Variants in MUC5AC observed in about 807,000 individuals in gnomAD.
The protein encoded by MUC5AC is mucin-5AC.
A neutral mutation model predicts 169.7 loss-of-function variants in MUC5AC; 158 were observed. The observed-to-expected ratio is 0.93, with a 90% CI of 0.82 to 1.06. The LOEUF (loss-of-function observed/expected upper bound fraction) is 1.06, where lower values mean the gene tolerates loss of function less well. Among genes scored for constraint, MUC5AC ranks in the 50% least tolerant of loss-of-function variants. MUC5AC has a pLI of 0.00. For synonymous variants in MUC5AC, 1,975 were observed against 1,237.0 expected (o/e 1.60, Z -12.52); for missense variants, 4,359 against 3,089.9 (o/e 1.41, Z -9.74).
chr11:1,196,715 GC>G lies in MUC5AC; in HGVS notation c.15828del (p.Arg5277GlyfsTer10). ...TSAQVCVPTG[C>X]PRCLGPHGEP... ...GCCCAAGTCTGCGTGCCCACGGGCT[GC>G]CCCAGTACGTGCCCCAGGCCGGGGC... On this transcript the variant is annotated frameshift_variant, in exon 39 of 49. Transcript: ENST00000621226. LOFTEE classifies it high-confidence loss of function. 2.6e-6 allele frequency: 2 copies of G among 755,872 alleles called. No individual in the cohort carries two copies. The highest frequency in any genetic ancestry group is 4.8e-6 in the Non-Finnish European group (2 of 413,882). The allele number at this position is 755,872 out of a possible 1,614,324, so 46.8% of individuals were successfully genotyped here.
Position 1,191,097 on chromosome 11 carries a change from G to C in MUC5AC, c.12952G>C (p.Gly4318Arg). 1.4e-6 allele frequency: 1 copy of C among 695,540 alleles called. No individual in the cohort carries two copies. The highest frequency in any genetic ancestry group is 2.6e-6 in the Non-Finnish European group (1 of 383,072). The allele number at this position is 695,540 out of a possible 1,614,324, so 43.1% of individuals were successfully genotyped here. A position where few individuals can be genotyped will look rare whatever the true frequency, so the allele number is the denominator to read the frequency against. Residue 4318 changes from glycine to arginine, a missense_variant, in exon 31 of 49, where the codon GGA (glycine) becomes CGA (arginine). Coordinates refer to ENST00000621226, the MANE Select transcript of MUC5AC (RefSeq NM_001304359.2). The stretch of plus-strand genomic sequence containing the variant: ...TACAACTAGCACAACCTCTGGTCCT[G>C]GAACTACTCCCAGCCCTGTTCCCAC... ...APTTSTTSGPGTTPSPVPTTS... is the reference protein window; with the variant it reads ...APTTSTTSGPRTTPSPVPTTS...
At position 1,185,617 on chromosome 11, in the gene MUC5AC, C is replaced by G; in HGVS notation, c.7472C>G (p.Thr2491Ser). 5.5e-6 allele frequency: 4 copies of G among 732,034 alleles called. No individual in the cohort carries two copies. The South Asian group carries it at 5.7e-5, about 10-fold the overall frequency. 45.3% of individuals were successfully genotyped at this position (732,034 alleles called of 1,614,324 possible). The part of the protein sequence containing the change: ...TTSTTSGPET[T>S]PRPVPTTSTT... ...AGCACAACCTCTGGTCCTGAAACTA[C>G]TCCTAGACCTGTTCCTACCACCAGC... The change falls in exon 31 of 49, where the codon ACT (threonine) becomes AGT (serine). Residue 2491 changes from threonine (T) to serine (S), a missense_variant. Transcript: ENST00000621226.
chr11:1,187,310 T>G lies in MUC5AC; in HGVS notation c.9165T>G (p.Ala3055=). 1 of 704,718 alleles carries G rather than the reference T, an allele frequency of 1.4e-6. No individual in the cohort carries two copies. Among genetic ancestry groups the G allele is most frequent in the East Asian group, 2.7e-5 (1 of 37,250 alleles). The allele number at this position is 704,718 out of a possible 1,614,324, so 43.7% of individuals were successfully genotyped here. The change falls in exon 31 of 49, where the codon GCT becomes GCG. Residue 3055 remains alanine (A), a synonymous_variant. Transcript: ENST00000621226. ...CTCCACAGACCAGCACAACCTCGGCTTCTACCACCAGCATAACTTCTGGTC... is the reference window on the plus strand; with the variant it reads ...CTCCACAGACCAGCACAACCTCGGCGTCTACCACCAGCATAACTTCTGGTC... ...TSSPQTSTTS[A]STTSITSGPG... is the part of the protein sequence containing the mutation.
rs573053081 is a variant in MUC5AC at position 1,164,203 on chromosome 11, G to T, written c.887G>T (p.Cys296Phe). The stretch of plus-strand genomic sequence containing the variant: ...CTGGAGGCTTGCAGGCAAGACCTCT[G>T]CTTCTGTGAAGACACCGACCTGCTC... Reference protein sequence around the residue: ...SYLEACRQDLCFCEDTDLLSC... With the variant: ...SYLEACRQDLFFCEDTDLLSC... Residue 296 changes from cysteine (C) to phenylalanine (F), a missense_variant, in exon 8 of 49, where the codon TGC becomes TTC. Coordinates refer to ENST00000621226, the MANE Select transcript of MUC5AC (RefSeq NM_001304359.2). 4.3e-6 allele frequency: 7 copies of T among 1,612,488 alleles called. No individual in the cohort carries two copies. The Admixed American group carries it at 6.7e-5, about 15-fold the overall frequency.
rs574057626 is a variant in MUC5AC at position 1,196,740 on chromosome 11, G to A, written c.15829+20G>A. ...GCCCCAGTACGTGCCCCAGGCCGGG[G>A]CTGGGGGGTGTGGCAGGACTGGGCC... On this transcript the variant is annotated intron_variant, in intron 39 of 48. Coordinates refer to ENST00000621226, the MANE Select transcript of MUC5AC (RefSeq NM_001304359.2). 4 of 743,634 alleles carry A rather than the reference G, an allele frequency of 5.4e-6. No homozygotes were observed. Among genetic ancestry groups the A allele is most frequent in the African/African-American group, 1.7e-5 (1 of 58,596 alleles). The allele number at this position is 743,634 out of a possible 1,614,324, so 46.1% of individuals were successfully genotyped here. A position where few individuals can be genotyped will look rare whatever the true frequency, so the allele number is the denominator to read the frequency against.
rs915840949 is a variant in MUC5AC, at chr11:1,194,180, C to T, written c.14826C>T (p.Asn4942=). The part of the protein sequence containing the change: ...FDGTYYTFLD[N]CTYVLVQQIV... ...GCACCTACTACACCTTCCTGGACAA[C>T]TGCACGTACGTGCTGGTGCAGCAGA... Residue 4942 remains asparagine, a synonymous_variant, in exon 34 of 49, where the codon AAC becomes AAT. Coordinates refer to ENST00000621226, the MANE Select transcript of MUC5AC (RefSeq NM_001304359.2). 5 of 764,994 alleles carry T rather than the reference C, an allele frequency of 6.5e-6. No individual in the cohort carries two copies. The African/African-American group carries it at 6.8e-5, about 10-fold the overall frequency. The allele number at this position is 764,994 out of a possible 1,614,324, so 47.4% of individuals were successfully genotyped here. A position where few individuals can be genotyped will look rare whatever the true frequency, so the allele number is the denominator to read the frequency against.
Position 1,185,107 on chromosome 11 carries a change from C to T in MUC5AC, c.6962C>T (p.Thr2321Ile), listed in dbSNP as rs1860903613. Residue 2321 changes from threonine (T) to isoleucine (I), a missense_variant, in exon 31 of 49, where the codon ACA becomes ATA. Transcript: ENST00000621226. ...VPTTSTISAP[T>I]TSITSAPTTS... ...ACCACCAGCACAATCTCTGCTCCTA[C>T]AACTAGCATAACCTCTGCCCCTACA... The T allele has an allele frequency of 1.4e-6, 1 of 714,490 alleles. No homozygotes were observed. The highest frequency in any genetic ancestry group is 1.8e-5 in the African/African-American group (1 of 56,798). The allele number at this position is 714,490 out of a possible 1,614,324, so 44.3% of individuals were successfully genotyped here.
intron 45 of MUC5AC, 21 bp from the exon 46 acceptor site, chr11:1,199,350 C>T (rs972924323): frequency 4.4e-5 from 31 of 704,870 alleles, no homozygotes; most frequent in Admixed American, 1.4e-4. Context: ...TCACTCACCC[C>T]GGGGCCTGGC....
Position 1,185,263 on chromosome 11 carries a change from C to G in MUC5AC, c.7118C>G (p.Thr2373Ser). ...STTSAPTTST[T>S]SARTSSTTSA... Reference sequence around the variant, plus strand: ...ACCTCTGCTCCTACAACCAGCACAACCTCTGCCCGTACAAGCAGCACAACC... The same window carrying G: ...ACCTCTGCTCCTACAACCAGCACAAGCTCTGCCCGTACAAGCAGCACAACC... The change falls in exon 31 of 49, where the codon ACC becomes AGC. Residue 2373 changes from threonine (T) to serine (S), a missense_variant. Thr to Ser is a moderately conservative substitution (Grantham distance 58). Transcript: ENST00000621226. 1 of 671,888 alleles carries G rather than the reference C, an allele frequency of 1.5e-6. No homozygotes were observed. The highest frequency in any genetic ancestry group is 2.7e-6 in the Non-Finnish European group (1 of 369,214). 41.6% of individuals were successfully genotyped at this position (671,888 alleles called of 1,614,324 possible).
chr11:1,164,520 T>A lies in MUC5AC; in HGVS notation c.1117T>A (p.Phe373Ile), dbSNP rs1364305481. The A allele has an allele frequency of 6.2e-7, 1 of 1,610,674 alleles. No individual in the cohort carries two copies. Among genetic ancestry groups the A allele is most frequent in the East Asian group, 2.2e-5 (1 of 44,854 alleles). ...TGAGGACCACTGTGTGGCCGGCTGCTTCTGCCCTGAGGGTGAGGCTCCCCC... is the reference window on the plus strand; with the variant it reads ...TGAGGACCACTGTGTGGCCGGCTGCATCTGCCCTGAGGGTGAGGCTCCCCC... ...ACEDHCVAGC[F>I]CPEGTVLDDI... Residue 373 changes from phenylalanine (F) to isoleucine (I), a missense_variant, in exon 9 of 49, where the codon TTC becomes ATC. Phe to Ile is a conservative substitution (Grantham distance 21, BLOSUM62 0). Transcript: ENST00000621226.
chr11:1,162,238 T>C, intron 4 of MUC5AC, 70 bp downstream of exon 4: 1 of 1,564,908 alleles, frequency 6.4e-7, no homozygotes, highest in Non-Finnish European at 8.6e-7. Context: ...GGTTGCGGGG[T>C]TTCGCGGTCC....
In MUC5AC at chr11:1,176,160, C is replaced by T. The variant is rs994207350; in HGVS notation, c.2411C>T (p.Ala804Val). 19 of 398,562 alleles carry T rather than the reference C, an allele frequency of 4.8e-5. No individual in the cohort carries two copies. Among genetic ancestry groups the T allele is most frequent in the Non-Finnish European group, 6.6e-5 (15 of 226,116 alleles). The allele number at this position is 398,562 out of a possible 1,614,324, so 24.7% of individuals were successfully genotyped here. Residue 804 changes from alanine to valine, a missense_variant, in exon 20 of 49, where the codon GCG (alanine) becomes GTG (valine). Physicochemically the swap from Ala to Val is moderately conservative, Grantham distance 64. Transcript: ENST00000621226. ...GCCCCTCCCTCCCCAGTGTGTGCTG[C>T]GCCCATGGTGTTCTTTGACTGCCGA... ...GGQAPAPVCA[A>V]PMVFFDCRNA...
At position 1,162,158 on chromosome 11, in the gene MUC5AC, A is replaced by C. The variant is rs1564905697; in HGVS notation, c.463A>C (p.Asn155His). ...IQLTKGSVLV[N>H]GHPVLLPFSQ... ...GCTGACCAAGGGCTCCGTCCTGGTC[A>C]ACGGCCACCCGTGAGTCTGGGTTCT... The change falls in exon 4 of 49, where the codon AAC becomes CAC. Residue 155 changes from asparagine (N) to histidine (H), a missense_variant. Coordinates refer to ENST00000621226, the MANE Select transcript of MUC5AC (RefSeq NM_001304359.2). The C allele has an allele frequency of 1.2e-6, 2 of 1,610,138 alleles. No homozygotes were observed. Among genetic ancestry groups the C allele is most frequent in the Non-Finnish European group, 1.7e-6 (2 of 1,178,092 alleles).
At chr11:1,181,510 T>C in intron 30 of MUC5AC, 51 bp downstream of exon 30, 1 of 384,916 alleles carries the variant, frequency 2.6e-6, no homozygotes. Context: ...TCCCACTGCC[T>C]GGCACAGCTG....
rs1860861137 is a variant in MUC5AC, at chr11:1,183,625, C to A, written c.5480C>A (p.Pro1827His). 1 of 641,456 alleles carries A rather than the reference C, an allele frequency of 1.6e-6. No homozygotes were observed. Among genetic ancestry groups the A allele is most frequent in the Non-Finnish European group, 2.8e-6 (1 of 358,120 alleles). The allele number at this position is 641,456 out of a possible 1,614,324, so 39.7% of individuals were successfully genotyped here. The change falls in exon 31 of 49, where the codon CCC becomes CAC. Residue 1827 changes from proline (P) to histidine (H), a missense_variant. By Grantham distance (77) the Pro-to-His change is moderately conservative. Coordinates refer to ENST00000621226, the MANE Select transcript of MUC5AC (RefSeq NM_001304359.2). ...TGCCGGAACCAGGACCAGCAGGGAC[C>A]CTTCAAGATGTGCCTCAACTACGAG... is the stretch of plus-strand genomic sequence containing the variant. ...LVCRNQDQQGPFKMCLNYEVR... is the reference protein window; with the variant it reads ...LVCRNQDQQGHFKMCLNYEVR...
chr11:1,188,500 C>T lies in MUC5AC; in HGVS notation c.10355C>T (p.Thr3452Ile). ...ACCAGCACAACCTCTGCTACTACAA[C>T]CAGCACAACCTCTGCCCCTACAAGC... Reference protein sequence around the residue: ...PTTSTTSATTTSTTSAPTSST... With the variant: ...PTTSTTSATTISTTSAPTSST... Residue 3452 changes from threonine (T) to isoleucine (I), a missense_variant, in exon 31 of 49, where the codon ACC becomes ATC. Thr to Ile is a moderately conservative substitution (Grantham distance 89). Transcript: ENST00000621226. 1.4e-6 allele frequency: 1 copy of T among 712,876 alleles called. No homozygotes were observed. The highest frequency in any genetic ancestry group is 1.5e-5 in the South Asian group (1 of 67,356). The allele number at this position is 712,876 out of a possible 1,614,324, so 44.2% of individuals were successfully genotyped here.
rs1341589167 is a variant in MUC5AC at position 1,189,262 on chromosome 11, C to T, written c.11117C>T (p.Ser3706Phe). The change falls in exon 31 of 49, where the codon TCT (serine) becomes TTT (phenylalanine). Residue 3706 changes from serine (S) to phenylalanine (F), a missense_variant. Transcript: ENST00000621226. The stretch of plus-strand genomic sequence containing the variant: ...TCTGCTCCCACAACGAGCACAACTT[C>T]TGCCCCTACAACCAGCACAACCTCC... ...TTSAPTTSTT[S>F]APTTSTTSTP... is the part of the protein sequence containing the mutation. 1.7e-6 allele frequency: 1 copy of T among 591,868 alleles called. No individual in the cohort carries two copies. Among genetic ancestry groups the T allele is most frequent in the Admixed American group, 2.9e-5 (1 of 34,028 alleles). 36.7% of individuals were successfully genotyped at this position (591,868 alleles called of 1,614,324 possible). A position where few individuals can be genotyped will look rare whatever the true frequency, so the allele number is the denominator to read the frequency against.
chr11:1,162,697 G>A (rs1400738560), intron 5 of MUC5AC, 51 bp downstream of exon 5: 11 of 1,537,446 alleles, frequency 7.2e-6, no homozygotes, highest in African/African-American at 1.4e-5. Context: ...CTCGAGGGCC[G>A]GCCTGCTCCC....
rs1450504581 is a variant in MUC5AC, at chr11:1,190,233, C to A, written c.12088C>A (p.Arg4030=). ...CAGCCGGGAAGAGGGCCTGGTGTGC[C>A]GGAACCAGGACCAGCAGGGACCCTT... ...QCSREEGLVC[R]NQDQQGPFKM... is the part of the protein sequence containing the mutation. Residue 4030 remains arginine, a synonymous_variant, in exon 31 of 49, where the codon CGG becomes AGG. Coordinates refer to ENST00000621226, the MANE Select transcript of MUC5AC (RefSeq NM_001304359.2). 1 of 747,454 alleles carries A rather than the reference C, an allele frequency of 1.3e-6. No homozygotes were observed. The highest frequency in any genetic ancestry group is 1.7e-5 in the African/African-American group (1 of 58,248). 46.3% of individuals were successfully genotyped at this position (747,454 alleles called of 1,614,324 possible). A position where few individuals can be genotyped will look rare whatever the true frequency, so the allele number is the denominator to read the frequency against.
Sources: gnomAD v4.1 joint callset for allele counts on GRCh38, gnomAD v4.1.1 for gene constraint, MANE v1.5 for transcripts, NCBI Gene and HGNC (gene_info 2026-07-23, HGNC 2026-07-21) for gene names.